The following HPRT1 variants were observed in gnomAD, a reference collection of about 807,000 sequenced individuals.
The protein encoded by HPRT1 is hypoxanthine phosphoribosyltransferase 1.
Under a neutral mutation model 19.0 loss-of-function variants are expected in HPRT1, and 4 were observed. The ratio of observed to expected loss-of-function variants is 0.21; its 90% CI spans 0.10 to 0.48. The LOEUF (loss-of-function observed/expected upper bound fraction) is 0.48. HPRT1 is among the 20% of genes least tolerant of loss of function. HPRT1 has a pLI of 0.98. For missense variants in HPRT1, 65 were observed against 164.0 expected (o/e 0.40, Z 3.30); for synonymous variants, 53 against 54.9 (o/e 0.97, Z 0.15).
intron 3 of HPRT1, among the ~76,000 whole-genome samples, chrX:134,479,660 G>A (rs1003193815): frequency 1.3e-4 from 15 of 111,314 alleles, no homozygotes; most frequent in African/African-American, 4.2e-4. Flanking sequence ...CCAGGCTGGA[G>A]TGCAGTGGTG....
chrX:134,492,671 T>G, intron 5 of HPRT1: 1 of 260,506 alleles, frequency 3.8e-6, no homozygotes, highest in Non-Finnish European at 7.4e-6. Context: ...CAGGAGAATC[T>G]TGCTCTAGTC....
At chrX:134,460,434 C>T in intron 1 of HPRT1, 96 bp downstream of exon 1, 2 of 740,470 alleles carry the variant, frequency 2.7e-6, no homozygotes, top group South Asian at 5.8e-5. Context: ...CGGGCTCGGG[C>T]GGCCGGGCCC....
At chrX:134,488,941 G>A (rs1382755796) in intron 4 of HPRT1, among the ~76,000 whole-genome samples, 1 of 111,567 alleles carries the variant, frequency 9.0e-6, no homozygotes, top group Non-Finnish European at 1.9e-5. Context: ...TGTAAAATAG[G>A]CTACCAATAG....
At chrX:134,496,750 C>A (rs2124303901) in intron 6 of HPRT1, among the ~76,000 whole-genome samples, 1 of 111,757 alleles carries the variant, frequency 8.9e-6, no homozygotes, top group East Asian at 2.8e-4. Context: ...AGTTAAAAAA[C>A]CAGGATAACC....
chrX:134,469,196 AAT>A (rs1451549694), intron 1 of HPRT1, among the ~76,000 whole-genome samples: 3 of 110,420 alleles, frequency 2.7e-5, no homozygotes, highest in East Asian at 2.8e-4. Context: ...AATATACCCA[AAT>A]ATATATATAT....
At chrX:134,463,512 C>A (rs2077589666) in intron 1 of HPRT1, among the ~76,000 whole-genome samples, 1 of 110,786 alleles carries the variant, frequency 9.0e-6, no homozygotes, top group Non-Finnish European at 1.9e-5. Flanking sequence ...CTCTTTGTGA[C>A]CACCAGGAAA....
rs766285588 is a variant in HPRT1 at position 134,473,340 on chromosome X, A to G, written c.28-19A>G. 8.8e-6 allele frequency: 8 copies of G among 906,241 alleles called. No homozygotes were observed. In the African/African-American group the frequency reaches 1.5e-4, roughly 18 times the overall value. The allele number at this position is 906,241 out of a possible 1,213,427, so 74.7% of individuals were successfully genotyped here. On this transcript the variant is annotated intron_variant, in intron 1 of 8. Transcript: ENST00000298556. ...TATCCTGTAATGCTCTCATTGAAAC[A>G]GCTATATTTCTTTTTCAGATTAGTG...
At chrX:134,480,568 C>T (rs1470483864) in intron 3 of HPRT1, among the ~76,000 whole-genome samples, 1 of 105,276 alleles carries the variant, frequency 9.5e-6, no homozygotes, top group Non-Finnish European at 1.9e-5. Flanking sequence ...CTCAGCCTCC[C>T]AAGTATCTGA....
intron 1 of HPRT1, among the ~76,000 whole-genome samples, chrX:134,462,983 A>G (rs954391936): frequency 8.9e-6 from 1 of 112,299 alleles, no homozygotes; most frequent in African/African-American, 3.2e-5. Flanking sequence ...CTAAACTTTT[A>G]AGTTAGTAGT....
At chrX:134,491,505 G>A (rs1164357483) in intron 5 of HPRT1, among the ~76,000 whole-genome samples, 2 of 110,939 alleles carry the variant, frequency 1.8e-5, no homozygotes, top group African/African-American at 3.3e-5. Flanking sequence ...TTGAACCATC[G>A]TAAGTTGGAT....
chrX:134,465,134 C>A (rs12687175), intron 1 of HPRT1, among the ~76,000 whole-genome samples: 14,097 of 107,223 alleles, frequency 0.13, 822 homozygotes, highest in East Asian at 0.21. Flanking sequence ...TTGGGCAGGC[C>A]AGGGGTGATC....
chrX:134,460,212 C>T lies in HPRT1; in HGVS notation c.-100C>T. 1.1e-6 allele frequency: 1 copy of T among 944,221 alleles called. No homozygotes were observed. The highest frequency in any genetic ancestry group is 1.4e-6 in the Non-Finnish European group (1 of 699,464). The allele number at this position is 944,221 out of a possible 1,213,427, so 77.8% of individuals were successfully genotyped here. A position where few individuals can be genotyped will look rare whatever the true frequency, so the allele number is the denominator to read the frequency against. ...CCCTCAGGCGAACCTCTCGGCTTTCCCGCGCGGCGCCGCCTCTTGCTGCGC... is the reference window on the plus strand; with the variant it reads ...CCCTCAGGCGAACCTCTCGGCTTTCTCGCGCGGCGCCGCCTCTTGCTGCGC... On this transcript the variant is annotated 5_prime_UTR_variant, in exon 1 of 9. Transcript: ENST00000298556.
At chrX:134,481,908 G>A (rs951004291) in intron 3 of HPRT1, among the ~76,000 whole-genome samples, 2 of 111,894 alleles carry the variant, frequency 1.8e-5, no homozygotes, top group Non-Finnish European at 3.8e-5. Context: ...ATGAGAAGTG[G>A]TTCTGTTGCA....
chrX:134,494,634 T>G (rs946129381), intron 6 of HPRT1, among the ~76,000 whole-genome samples: 3 of 112,118 alleles, frequency 2.7e-5, no homozygotes, highest in Non-Finnish European at 5.6e-5. Flanking sequence ...CTAACTAGTA[T>G]CCTATGAAAT....
intron 1 of HPRT1, 87 bp downstream of exon 1, chrX:134,460,425 G>A: frequency 2.5e-6 from 2 of 788,848 alleles, no homozygotes; most frequent in Non-Finnish European, 3.2e-6. Context: ...TCCGCAGTGC[G>A]GGCTCGGGCG....
At chrX:134,467,876 G>A (rs1253698929) in intron 1 of HPRT1, among the ~76,000 whole-genome samples, 4 of 104,117 alleles carry the variant, frequency 3.8e-5, no homozygotes, top group Admixed American at 2.1e-4. Flanking sequence ...TATGATCTCG[G>A]CTCACTGTAA....
At chrX:134,498,978 T>C (rs755840197) in intron 8 of HPRT1, among the ~76,000 whole-genome samples, 2 of 112,173 alleles carry the variant, frequency 1.8e-5, no homozygotes, top group South Asian at 7.4e-4. Context: ...GAGTTTAGTC[T>C]TTTAATTCAC....
chrX:134,497,869 C>T (rs946037523), intron 6 of HPRT1, among the ~76,000 whole-genome samples: 1 of 108,209 alleles, frequency 9.2e-6, no homozygotes, highest in African/African-American at 3.4e-5. Flanking sequence ...ATGGCGTGAA[C>T]CCAGGAGGCA....
At chrX:134,476,787 C>G (rs987711211) in intron 3 of HPRT1, among the ~76,000 whole-genome samples, 6 of 111,076 alleles carry the variant, frequency 5.4e-5, no homozygotes, top group African/African-American at 2.0e-4. Flanking sequence ...AAGATCAATT[C>G]TGAGTGGTAG....
Sources: gnomAD v4.1 joint callset for allele counts (sites outside exome capture counted in the v4.1 genomes callset) on GRCh38, gnomAD v4.1.1 for gene constraint, MANE v1.5 for transcripts, NCBI Gene and HGNC (gene_info 2026-07-23, HGNC 2026-07-21) for gene names.